The following DPYSL2 variants were observed in gnomAD, a reference collection of about 807,000 sequenced individuals.
DPYSL2 encodes the protein dihydropyrimidinase like 2.
DPYSL2 carries 13 observed loss-of-function variants against 69.9 expected under a neutral mutation model. That is an observed-to-expected ratio of 0.19 (90% CI 0.12 to 0.30). The LOEUF is 0.30. Among genes scored for constraint, DPYSL2 ranks in the 10% least tolerant of loss-of-function variants. The pLI is 1.00. For missense variants in DPYSL2, 587 were observed against 918.9 expected (o/e 0.64, Z 4.67); for synonymous variants, 326 against 359.1 (o/e 0.91, Z 1.04).
intron 1 of DPYSL2, among the ~76,000 whole-genome samples, chr8:26,528,602 G>A (rs1027572495): frequency 2.0e-5 from 3 of 150,780 alleles, no homozygotes; most frequent in Admixed American, 6.6e-5. Context: ...AGCCAAGATC[G>A]CGCCACTGCA....
chr8:26,520,002 C>T (rs1808359203), intron 1 of DPYSL2, among the ~76,000 whole-genome samples: 1 of 152,178 alleles, frequency 6.6e-6, no homozygotes. Flanking sequence ...GAATTGTACT[C>T]CCATAATTCC....
chr8:26,582,137 G>T lies in DPYSL2; in HGVS notation c.443+80G>T. On this transcript the variant is annotated intron_variant, in intron 2 of 13. Coordinates refer to ENST00000521913, the MANE Select transcript of DPYSL2 (RefSeq NM_001197293.3). The surrounding 1 kb of genome is among the most constrained non-coding windows in gnomAD (Gnocchi z 4.1). ...GTATTAGATACCATTCGCATCCAAAGTATCAAACTTCAGGAACATCAGAGA... is the reference window on the plus strand; with the variant it reads ...GTATTAGATACCATTCGCATCCAAATTATCAAACTTCAGGAACATCAGAGA... 8.6e-7 allele frequency: 1 copy of T among 1,160,646 alleles called. No individual in the cohort carries two copies. The highest frequency in any genetic ancestry group is 1.3e-6 in the Non-Finnish European group (1 of 788,036). The allele number at this position is 1,160,646 out of a possible 1,614,324, so 71.9% of individuals were successfully genotyped here.
chr8:26,587,518 C>T lies in DPYSL2; in HGVS notation c.628+3535C>T, dbSNP rs765352973. On this transcript the variant is annotated intron_variant, in intron 3 of 13. Coordinates refer to ENST00000521913, the MANE Select transcript of DPYSL2 (RefSeq NM_001197293.3). The surrounding 1 kb of genome is among the most constrained non-coding windows in gnomAD (Gnocchi z 4.2). ...GGAGACTCCTTTCTGTCTGAAATGG[C>T]GCCGCATGTAGAGGAAAACACAGCC... is the stretch of plus-strand genomic sequence containing the variant. Among the ~76,000 whole-genome samples, 4 of 152,126 alleles carry T rather than the reference C, an allele frequency of 2.6e-5. No homozygotes were observed. Among genetic ancestry groups the T allele is most frequent in the Non-Finnish European group, 4.4e-5 (3 of 68,032 alleles).
Position 26,610,659 on chromosome 8 carries a change from C to G in DPYSL2, c.629-13484C>G, listed in dbSNP as rs1802204369. On this transcript the variant is annotated intron_variant, in intron 3 of 13. Coordinates refer to ENST00000521913, the MANE Select transcript of DPYSL2 (RefSeq NM_001197293.3). This position sits in a 1 kb window ranked among gnomAD's most constrained non-coding sequence, Gnocchi z 4.5. ...AATCCTCTGTCCTAGCCTATCCCCC[C>G]TGCTCTCCCCTGGCATAGAAGGGTG... 6.6e-6 allele frequency among the ~76,000 whole-genome samples: 1 copy of G among 152,138 alleles called. No homozygotes were observed. The highest frequency in any genetic ancestry group is 6.6e-5 in the Admixed American group (1 of 15,266).
chr8:26,600,492 G>A (rs1461786137), intron 3 of DPYSL2, among the ~76,000 whole-genome samples: 4 of 152,180 alleles, frequency 2.6e-5, no homozygotes, highest in African/African-American at 4.8e-5. Context: ...AGCCATGCGA[G>A]TGGGTGTTAG....
Position 26,560,838 on chromosome 8 carries a change from G to T in DPYSL2, c.355-21131G>T, listed in dbSNP as rs1801059009. ...TAATCACCAGCAGTTACAAAGTGCTGGTTCCACCCATTTTCCAACCAGAAA... is the reference window on the plus strand; with the variant it reads ...TAATCACCAGCAGTTACAAAGTGCTTGTTCCACCCATTTTCCAACCAGAAA... On this transcript the variant is annotated intron_variant, in intron 1 of 13. Transcript: ENST00000521913. The surrounding 1 kb of genome is among the most constrained non-coding windows in gnomAD (Gnocchi z 4.4). Among the ~76,000 whole-genome samples the T allele has an allele frequency of 6.6e-6, 1 of 152,124 alleles. No individual in the cohort carries two copies. Among genetic ancestry groups the T allele is most frequent in the Non-Finnish European group, 1.5e-5 (1 of 68,030 alleles).
chr8:26,577,879 G>C, intron 1 of DPYSL2: 1 of 1,115,896 alleles, frequency 9.0e-7, no homozygotes, highest in Non-Finnish European at 1.1e-6. Flanking sequence ...GATGGCTTTT[G>C]CCTGAGAGGA....
In DPYSL2 at chr8:26,641,032, G is replaced by T. The variant is rs1485291613; in HGVS notation, c.1127-2407G>T. On this transcript the variant is annotated intron_variant, in intron 8 of 13. Coordinates refer to ENST00000521913, the MANE Select transcript of DPYSL2 (RefSeq NM_001197293.3). The surrounding 1 kb of genome is among the most constrained non-coding windows in gnomAD (Gnocchi z 4.1). ...GCAGCTCCCCACCCCAAGCTGAGTT[G>T]TGTTTCGCAGGGAGAGATAAGCCTG... Among the ~76,000 whole-genome samples, 1 of 152,188 alleles carries T rather than the reference G, an allele frequency of 6.6e-6. No individual in the cohort carries two copies. Among genetic ancestry groups the T allele is most frequent in the African/African-American group, 2.4e-5 (1 of 41,448 alleles).
Position 26,645,350 on chromosome 8 carries a change from A to G in DPYSL2, c.1425+1259A>G, listed in dbSNP as rs147886994. On this transcript the variant is annotated intron_variant, in intron 10 of 13. Transcript: ENST00000521913. ...TGGGAGGTTGAGGCTGCAGTGAGCC[A>G]TGACTGGGCCACTGAACTCCAGACT... Among the ~76,000 whole-genome samples the G allele has an allele frequency of 2.0e-5, 3 of 152,122 alleles. No individual in the cohort carries two copies. The East Asian group carries it at 5.8e-4, about 29-fold the overall frequency.
At chr8:26,635,075 T>A (rs1173684664) in intron 8 of DPYSL2, among the ~76,000 whole-genome samples, 175 bp downstream of exon 8, 43 of 152,260 alleles carry the variant, frequency 2.8e-4, no homozygotes, top group Admixed American at 2.8e-3. Context: ...TTTCCTCCTC[T>A]GCTCCACTGC....
chr8:26,561,420 T>C (rs1381995197), intron 1 of DPYSL2, among the ~76,000 whole-genome samples: 1 of 152,202 alleles, frequency 6.6e-6, no homozygotes, highest in Non-Finnish European at 1.5e-5. Flanking sequence ...AATTCACATC[T>C]TAAGCCCCAA....
At chr8:26,552,145 C>T (rs544947549) in intron 1 of DPYSL2, among the ~76,000 whole-genome samples, 1 of 152,026 alleles carries the variant, frequency 6.6e-6, no homozygotes, top group African/African-American at 2.4e-5. Flanking sequence ...GCACATGGGC[C>T]AAGGAAGACA....
chr8:26,577,221 C>G, intron 1 of DPYSL2: 1 of 420,052 alleles, frequency 2.4e-6, no homozygotes, highest in Non-Finnish European at 4.7e-6. Context: ...TCCCCCCGGC[C>G]CGCGCCCATT....
intron 1 of DPYSL2, among the ~76,000 whole-genome samples, chr8:26,524,716 C>T (rs979441464): frequency 2.2e-5 from 3 of 138,612 alleles, no homozygotes; most frequent in Admixed American, 7.9e-5. Context: ...GCAGGAGAAT[C>T]GCTTGAACCT....
At chr8:26,556,341 A>ATATATATATAGTATATATATATAG (rs1431764361) in intron 1 of DPYSL2, among the ~76,000 whole-genome samples, 4 of 9,152 alleles carry the variant, frequency 4.4e-4, no homozygotes, top group African/African-American at 1.0e-3. Context: ...TATATATAGT[A>ATATATATATAGTATATATATATAG]TATATATATA....
chr8:26,635,323 G>A (rs1420267417), intron 8 of DPYSL2, among the ~76,000 whole-genome samples: 1 of 152,220 alleles, frequency 6.6e-6, no homozygotes, highest in African/African-American at 2.4e-5. Flanking sequence ...TTTGTGGGGT[G>A]TGGGGATGCA....
At chr8:26,531,521 A>G (rs543824747) in intron 1 of DPYSL2, among the ~76,000 whole-genome samples, 28 of 152,266 alleles carry the variant, frequency 1.8e-4, no homozygotes, top group African/African-American at 5.3e-4. Context: ...AAGAACATGG[A>G]TGTTGGAGCC....
At chr8:26,628,074 G>A in intron 7 of DPYSL2, 134 bp downstream of exon 7, 2 of 859,462 alleles carry the variant, frequency 2.3e-6, no homozygotes, top group Non-Finnish European at 3.7e-6. Context: ...GAAGCTGTGG[G>A]TCACGTGTGT....
chr8:26,572,559 A>G (rs2584189), intron 1 of DPYSL2, among the ~76,000 whole-genome samples: 152,297 of 152,310 alleles, frequency 1, 76,142 homozygotes, highest in Non-Finnish European at 1. Context: ...GAGTGCAGTG[A>G]CGCAATCTCG....
Sources: gnomAD v4.1 joint callset for allele counts (sites outside exome capture counted in the v4.1 genomes callset) on GRCh38, gnomAD v4.1.1 for gene constraint, Gnocchi (gnomAD v3.1) non-coding constraint, MANE v1.5 for transcripts, NCBI Gene and HGNC (gene_info 2026-07-23, HGNC 2026-07-21) for gene names.